The following EBF3 variants were observed in gnomAD, a reference collection of about 807,000 sequenced individuals.
EBF3 encodes transcription factor COE3.
A neutral mutation model predicts 77.1 loss-of-function variants in EBF3; 18 were observed. That is an observed-to-expected ratio of 0.23 (90% confidence interval 0.16 to 0.35). The LOEUF (loss-of-function observed/expected upper bound fraction) is 0.35. Among genes scored for constraint, EBF3 ranks in the 10% least tolerant of loss-of-function variants. The pLI is 1.00. For synonymous variants in EBF3, 350 were observed against 343.5 expected (o/e 1.02, Z -0.21); for missense variants, 558 against 860.0 (o/e 0.65, Z 4.39).
At chr10:129,949,306 AACACAC>A (rs1281081151) in intron 6 of EBF3, among the ~76,000 whole-genome samples, 7 of 152,198 alleles carry the variant, frequency 4.6e-5, no homozygotes, top group Admixed American at 1.3e-4. Flanking sequence ...CCGTCTCAAA[AACACAC>A]ACAGAAAAGA....
At chr10:129,910,400 GCA>G (rs150604054) in intron 6 of EBF3, among the ~76,000 whole-genome samples, 1 of 151,824 alleles carries the variant, frequency 6.6e-6, no homozygotes, top group African/African-American at 2.4e-5. Flanking sequence ...CTATGTGTAT[GCA>G]CACACACACA....
intron 7 of EBF3, among the ~76,000 whole-genome samples, chr10:129,874,935 C>T (rs903784454): frequency 2.0e-5 from 3 of 151,502 alleles, no homozygotes; most frequent in East Asian, 2.0e-4. Context: ...GAGGGGCGCA[C>T]GGGGGTACAC....
chr10:129,867,087 G>A, intron 10 of EBF3, 54 bp downstream of exon 10: 12 of 1,584,656 alleles, frequency 7.6e-6, no homozygotes, highest in Non-Finnish European at 1.0e-5. Flanking sequence ...AGCACCTCCT[G>A]GTGGGGAGGA....
rs752984183 is a variant in EBF3 at position 129,861,386 on chromosome 10, C to T, written c.1039+5755G>A. On this transcript the variant is annotated intron_variant, in intron 10 of 16. Coordinates refer to ENST00000440978, the MANE Select transcript of EBF3 (RefSeq NM_001375380.1). The surrounding 1 kb of genome is among the most constrained non-coding windows in gnomAD (Gnocchi z 4.3). Reference sequence around the variant, plus strand: ...AAACAAAGGACAAAAACTAAAGTGGCGTCAGGAGAAGTTGTGTTGTTGGAG... The same window carrying T: ...AAACAAAGGACAAAAACTAAAGTGGTGTCAGGAGAAGTTGTGTTGTTGGAG... Among the ~76,000 whole-genome samples the T allele has an allele frequency of 6.6e-6, 1 of 152,192 alleles. No individual in the cohort carries two copies. The highest frequency in any genetic ancestry group is 2.4e-5 in the African/African-American group (1 of 41,460).
chr10:129,875,377 T>C (rs1464001630), intron 7 of EBF3, among the ~76,000 whole-genome samples: 1 of 151,988 alleles, frequency 6.6e-6, no homozygotes, highest in African/African-American at 2.4e-5. Flanking sequence ...TTGGCATTTG[T>C]AGTAGAGATG....
chr10:129,858,180 G>A (rs533926581), intron 10 of EBF3, among the ~76,000 whole-genome samples: 130 of 152,344 alleles, frequency 8.5e-4, no homozygotes, highest in African/African-American at 3.0e-3. Context: ...TCCCTGGGCA[G>A]TGGGCATGTG....
chr10:129,954,451 C>T (rs1858899608), intron 6 of EBF3, among the ~76,000 whole-genome samples: 1 of 144,812 alleles, frequency 6.9e-6, no homozygotes, highest in Non-Finnish European at 1.5e-5. Context: ...GTCTTCATGC[C>T]ATTCATAAGT....
chr10:129,857,017 G>C (rs1851299838), intron 10 of EBF3, among the ~76,000 whole-genome samples: 1 of 152,180 alleles, frequency 6.6e-6, no homozygotes, highest in African/African-American at 2.4e-5. Flanking sequence ...GAACAAGACA[G>C]AGCCCAGCAG....
At position 129,841,906 on chromosome 10, in the gene EBF3, G is replaced by T. The variant is rs1364952357; in HGVS notation, c.1372+210C>A. Among the ~76,000 whole-genome samples the T allele has an allele frequency of 2.0e-5, 3 of 152,186 alleles. No individual in the cohort carries two copies. The highest frequency in any genetic ancestry group is 7.2e-5 in the African/African-American group (3 of 41,464). On this transcript the variant is annotated intron_variant, in intron 13 of 16. Transcript: ENST00000440978. The surrounding 1 kb of genome is among the most constrained non-coding windows in gnomAD (Gnocchi z 4.6). ...GCATCCATTGGAGCTGCCGTTTTTA[G>T]TAACTGGGCTCTCTGAGTGTTCTTA...
chr10:129,880,235 C>T (rs552406511), intron 6 of EBF3, among the ~76,000 whole-genome samples: 2 of 152,246 alleles, frequency 1.3e-5, no homozygotes, highest in East Asian at 3.9e-4. Flanking sequence ...CAGAAACATA[C>T]TGAGCATACC....
At chr10:129,883,084 A>T (rs1454237120) in intron 6 of EBF3, among the ~76,000 whole-genome samples, 1 of 152,202 alleles carries the variant, frequency 6.6e-6, no homozygotes, top group East Asian at 1.9e-4. Context: ...GAAATTACCT[A>T]CTTCTCAGCA....
In EBF3 at chr10:129,963,950, T is replaced by G; in HGVS notation, c.-182A>C. 1.1e-5 allele frequency: 11 copies of G among 1,041,310 alleles called. No individual in the cohort carries two copies. The highest frequency in any genetic ancestry group is 1.2e-5 in the Non-Finnish European group (10 of 868,754). The allele number at this position is 1,041,310 out of a possible 1,614,324, so 64.5% of individuals were successfully genotyped here. A position where few individuals can be genotyped will look rare whatever the true frequency, so the allele number is the denominator to read the frequency against. The stretch of plus-strand genomic sequence containing the variant: ...GCGACATACACCAGCGGCCGGGCGC[T>G]CCGGACGGCCAGGGGCGCGGAGGCG... On this transcript the variant is annotated 5_prime_UTR_variant, in exon 1 of 17. Coordinates refer to ENST00000440978, the MANE Select transcript of EBF3 (RefSeq NM_001375380.1). This position sits in a 1 kb window ranked among gnomAD's most constrained non-coding sequence, Gnocchi z 7.1.
At position 129,837,864 on chromosome 10, in the gene EBF3, A is replaced by C; in HGVS notation, c.*79T>G. Reference sequence around the variant, plus strand: ...TGTTTCCATCAGCATGTCTTAATATACTAAACGTGTCCCCTGAAGTCCGTC... The same window carrying C: ...TGTTTCCATCAGCATGTCTTAATATCCTAAACGTGTCCCCTGAAGTCCGTC... On this transcript the variant is annotated 3_prime_UTR_variant, in exon 17 of 17. Coordinates refer to ENST00000440978, the MANE Select transcript of EBF3 (RefSeq NM_001375380.1). The C allele has an allele frequency of 6.3e-7, 1 of 1,598,098 alleles. No homozygotes were observed. Among genetic ancestry groups the C allele is most frequent in the Non-Finnish European group, 8.6e-7 (1 of 1,165,970 alleles).
intron 6 of EBF3, among the ~76,000 whole-genome samples, chr10:129,936,777 G>C (rs1055056434): frequency 1.4e-4 from 21 of 150,276 alleles, no homozygotes; most frequent in Non-Finnish European, 2.7e-4. Context: ...GGGGGCTGTG[G>C]GGGGACCCTC....
At chr10:129,884,916 G>A (rs1038830294) in intron 6 of EBF3, among the ~76,000 whole-genome samples, 6 of 152,204 alleles carry the variant, frequency 3.9e-5, no homozygotes, top group South Asian at 2.1e-4. Context: ...TAACCACACC[G>A]CATTAACAAT....
intron 7 of EBF3, 49 bp downstream of exon 7, chr10:129,877,719 G>T: frequency 6.7e-7 from 1 of 1,497,620 alleles, no homozygotes; most frequent in South Asian, 1.2e-5. Flanking sequence ...ATTCAAATTT[G>T]GTATGAAAAG....
Position 129,870,563 on chromosome 10 carries a change from C to T in EBF3, c.782-2651G>A, listed in dbSNP as rs948466395. On this transcript the variant is annotated intron_variant, in intron 8 of 16. Coordinates refer to ENST00000440978, the MANE Select transcript of EBF3 (RefSeq NM_001375380.1). The surrounding 1 kb of genome is among the most constrained non-coding windows in gnomAD (Gnocchi z 4.4). ...GAGTCTCCCCTGCGGATCTGACATG[C>T]GCCACCATGACCTGTTTTTAACTCT... Among the ~76,000 whole-genome samples the T allele has an allele frequency of 2.0e-5, 3 of 152,118 alleles. No homozygotes were observed. Among genetic ancestry groups the T allele is most frequent in the Non-Finnish European group, 2.9e-5 (2 of 68,022 alleles).
chr10:129,903,670 A>C (rs1440737593), intron 6 of EBF3, among the ~76,000 whole-genome samples: 2 of 152,202 alleles, frequency 1.3e-5, no homozygotes, highest in African/African-American at 4.8e-5. Flanking sequence ...GAGTGGGGAC[A>C]TATTGGGCCT....
At chr10:129,915,629 C>T (rs550804244) in intron 6 of EBF3, among the ~76,000 whole-genome samples, 10 of 152,240 alleles carry the variant, frequency 6.6e-5, no homozygotes, top group South Asian at 4.2e-4. Flanking sequence ...GCACAGCCGC[C>T]GAGAGTGCGG....
Sources: gnomAD v4.1 joint callset for allele counts (sites outside exome capture counted in the v4.1 genomes callset) on GRCh38, gnomAD v4.1.1 for gene constraint, Gnocchi (gnomAD v3.1) non-coding constraint, MANE v1.5 for transcripts, NCBI Gene and HGNC (gene_info 2026-07-23, HGNC 2026-07-21) for gene names.